Variants in KCNJ6 observed in about 807,000 individuals in gnomAD.
KCNJ6 encodes G protein-activated inward rectifier potassium channel 2.
Under a neutral mutation model 34.2 loss-of-function variants are expected in KCNJ6, and 9 were observed. That is an observed-to-expected ratio of 0.26 (90% CI 0.16 to 0.46). KCNJ6 has a LOEUF of 0.46. Ranked by LOEUF, KCNJ6 falls within the 20% of genes least tolerant of loss-of-function variation. The pLI is 1.00. For missense variants in KCNJ6, 236 were observed against 531.3 expected (o/e 0.44, Z 5.46); for synonymous variants, 196 against 207.1 (o/e 0.95, Z 0.46).
chr21:37,722,328 A>T (rs1443888908), intron 2 of KCNJ6, among the ~76,000 whole-genome samples: 1 of 152,250 alleles, frequency 6.6e-6, no homozygotes, highest in South Asian at 2.1e-4. Flanking sequence ...ATGCTCATGG[A>T]CTGGAAGAAT....
At chr21:37,892,134 G>C (rs2055765215) in intron 1 of KCNJ6, among the ~76,000 whole-genome samples, 1 of 152,212 alleles carries the variant, frequency 6.6e-6, no homozygotes, top group African/African-American at 2.4e-5. Flanking sequence ...TACCAGTGCA[G>C]AGACTGTTCC....
At chr21:37,705,569 G>A (rs192547866) in intron 3 of KCNJ6, among the ~76,000 whole-genome samples, 46 of 152,332 alleles carry the variant, frequency 3.0e-4, no homozygotes, top group Non-Finnish European at 6.0e-4. Context: ...GCTCCACAGT[G>A]AAGGATGTGC....
chr21:37,698,395 G>A (rs1392651028), intron 3 of KCNJ6, among the ~76,000 whole-genome samples: 1 of 152,252 alleles, frequency 6.6e-6, no homozygotes, highest in Non-Finnish European at 1.5e-5. Flanking sequence ...GTTCTGGCTG[G>A]GAGTGCGGGA....
intron 1 of KCNJ6, among the ~76,000 whole-genome samples, chr21:37,846,098 T>G (rs963755144): frequency 3.9e-5 from 6 of 152,146 alleles, no homozygotes; most frequent in African/African-American, 1.4e-4. Flanking sequence ...TCAGGGGCAA[T>G]GGGCATTTAA....
rs558303334 is a variant in KCNJ6, at chr21:37,629,777, T to C, written c.947-4293A>G. ...AACTCAATACACTTACTGACTTCTATAGGGAGAGGAAAATACCTTTCCGTA... is the reference window on the plus strand; with the variant it reads ...AACTCAATACACTTACTGACTTCTACAGGGAGAGGAAAATACCTTTCCGTA... On this transcript the variant is annotated intron_variant, in intron 3 of 3. Coordinates refer to ENST00000609713, the MANE Select transcript of KCNJ6 (RefSeq NM_002240.5). Among the ~76,000 whole-genome samples, 8 of 152,310 alleles carry C rather than the reference T, an allele frequency of 5.3e-5. No individual in the cohort carries two copies. In the East Asian group the frequency reaches 1.4e-3, roughly 26 times the overall value.
intron 2 of KCNJ6, among the ~76,000 whole-genome samples, chr21:37,768,851 T>C (rs1483577476): frequency 1.3e-5 from 2 of 152,208 alleles, no homozygotes; most frequent in Non-Finnish European, 2.9e-5. Context: ...CAAAACGTAA[T>C]TGAATGGGAA....
intron 3 of KCNJ6, among the ~76,000 whole-genome samples, chr21:37,626,853 T>C (rs993056396): frequency 9.2e-5 from 14 of 152,218 alleles, no homozygotes; most frequent in South Asian, 8.3e-4. Flanking sequence ...TATTTATCTT[T>C]ATGCCAACAC....
chr21:37,716,331 T>A, intron 2 of KCNJ6, among the ~76,000 whole-genome samples: 1 of 152,048 alleles, frequency 6.6e-6, no homozygotes, highest in East Asian at 1.9e-4. Context: ...ACATTCAACA[T>A]CTGTAATTTT....
intron 3 of KCNJ6, among the ~76,000 whole-genome samples, chr21:37,660,210 T>C (rs2054481826): frequency 2.6e-5 from 4 of 152,214 alleles, no homozygotes; most frequent in Non-Finnish European, 4.4e-5. Flanking sequence ...TACACTCTCT[T>C]CCTTTTTTCT....
intron 3 of KCNJ6, among the ~76,000 whole-genome samples, chr21:37,697,534 AT>A (rs1315449870): frequency 6.6e-6 from 1 of 152,194 alleles, no homozygotes; most frequent in African/African-American, 2.4e-5. Context: ...GTTTGTTGCA[AT>A]TATTCTGATC....
intron 3 of KCNJ6, among the ~76,000 whole-genome samples, chr21:37,650,515 C>T (rs2054428351): frequency 6.6e-6 from 1 of 152,240 alleles, no homozygotes; most frequent in African/African-American, 2.4e-5. Context: ...ACAGCCTCCT[C>T]ACTGTCCTGC....
At chr21:37,787,997 A>T (rs941865506) in intron 2 of KCNJ6, among the ~76,000 whole-genome samples, 2 of 152,152 alleles carry the variant, frequency 1.3e-5, no homozygotes, top group African/African-American at 2.4e-5. Flanking sequence ...ACAGAAAGCT[A>T]ATGGGATTAT....
chr21:37,779,826 A>T (rs762592589), intron 2 of KCNJ6, among the ~76,000 whole-genome samples: 59 of 152,202 alleles, frequency 3.9e-4, no homozygotes, highest in Admixed American at 7.2e-4. Flanking sequence ...ATGTACTGAA[A>T]ATCTTCTACC....
At position 37,610,567 on chromosome 21, in the gene KCNJ6, C is replaced by A; in HGVS notation, c.*14592G>T. ...TGAGCCAAGATCATGCCACTCTACT[C>A]CAGCCTGGGCAACAGAGTGAGACTC... On this transcript the variant is annotated 3_prime_UTR_variant, in exon 4 of 4. Coordinates refer to ENST00000609713, the MANE Select transcript of KCNJ6 (RefSeq NM_002240.5). 1 of 132,836 alleles carries A rather than the reference C, an allele frequency of 7.5e-6. No homozygotes were observed. The allele number at this position is 132,836 out of a possible 1,614,324, so 8.2% of individuals were successfully genotyped here.
chr21:37,645,162 G>C (rs746212600), intron 3 of KCNJ6, among the ~76,000 whole-genome samples: 8 of 151,928 alleles, frequency 5.3e-5, no homozygotes, highest in Non-Finnish European at 1.0e-4. Context: ...ATCATTTGAG[G>C]CCAGAGTTAG....
chr21:37,713,767 A>ACTCT (rs941047041), intron 3 of KCNJ6, among the ~76,000 whole-genome samples: 5 of 152,152 alleles, frequency 3.3e-5, no homozygotes, highest in Non-Finnish European at 7.3e-5. Context: ...CTTATAAATG[A>ACTCT]CTCTCAAAGA....
At chr21:37,825,940 C>T (rs534425791) in intron 2 of KCNJ6, among the ~76,000 whole-genome samples, 28 of 152,288 alleles carry the variant, frequency 1.8e-4, no homozygotes, top group African/African-American at 6.3e-4. Context: ...CTCTGGGTCC[C>T]TCCCATGATG....
chr21:37,771,117 TG>T (rs918153924), intron 2 of KCNJ6, among the ~76,000 whole-genome samples: 1 of 152,188 alleles, frequency 6.6e-6, no homozygotes, highest in African/African-American at 2.4e-5. Flanking sequence ...AAGGAGATAG[TG>T]TGGTTGCTCA....
chr21:37,792,251 C>G (rs1270232897), intron 2 of KCNJ6, among the ~76,000 whole-genome samples: 1 of 152,240 alleles, frequency 6.6e-6, no homozygotes. Context: ...TGTTTTGGCA[C>G]AAGCTTCAAG....
Sources: allele counts gnomAD v4.1 joint callset (sites outside exome capture counted in the v4.1 genomes callset), GRCh38; gene constraint gnomAD v4.1.1; transcripts MANE v1.5; gene names NCBI Gene and HGNC (gene_info 2026-07-23, HGNC 2026-07-21).